Variants in TTC3 observed in about 807,000 individuals in gnomAD.
TTC3 encodes the protein tetratricopeptide repeat domain 3, also known as E3 ubiquitin-protein ligase TTC3.
In TTC3, 180 loss-of-function variants were observed where a neutral mutation model predicts 249.6. The observed-to-expected ratio is 0.72, with a 90% confidence interval of 0.64 to 0.82. The LOEUF (loss-of-function observed/expected upper bound fraction) is 0.82. TTC3 is among the 40% of genes least tolerant of loss of function. The pLI is 0.00. For synonymous variants in TTC3, 717 were observed against 805.0 expected (o/e 0.89, Z 1.85); for missense variants, 2,061 against 2,398.4 (o/e 0.86, Z 2.94).
intron 28 of TTC3, 122 bp from the exon 29 acceptor site, chr21:37,159,577 C>A: frequency 1.8e-6 from 2 of 1,117,932 alleles, no homozygotes; most frequent in East Asian, 2.6e-5. Context: ...TGTGTCAAAG[C>A]CAAATAAGGA....
chr21:37,088,312 G>A (rs143667299), exon 4 of TTC3: 57 of 1,612,772 alleles, frequency 3.5e-5, no homozygotes, highest in Middle Eastern at 1.6e-4. Context: ...AAACAGTTCC[G>A]TAATATCACG....
chr21:37,158,364 T>C (rs1328206370), intron 28 of TTC3, among the ~76,000 whole-genome samples: 1 of 152,216 alleles, frequency 6.6e-6, no homozygotes, highest in Non-Finnish European at 1.5e-5. Flanking sequence ...TGCCACTGTT[T>C]CTCTGTTTCT....
At chr21:37,154,533 T>C (rs1012637855) in intron 27 of TTC3, among the ~76,000 whole-genome samples, 13 of 152,158 alleles carry the variant, frequency 8.5e-5, no homozygotes, top group African/African-American at 2.9e-4. Flanking sequence ...TAACATGCTT[T>C]AGGAGATACT....
At chr21:37,081,115 T>TC (rs1222212299) in intron 1 of TTC3, among the ~76,000 whole-genome samples, 1 of 131,758 alleles carries the variant, frequency 7.6e-6, no homozygotes. Context: ...ATGCCTTTTT[T>TC]TTTTTTTTTT....
chr21:37,176,953 A>T (rs1016193783), intron 35 of TTC3, among the ~76,000 whole-genome samples: 1 of 152,166 alleles, frequency 6.6e-6, no homozygotes, highest in Non-Finnish European at 1.5e-5. Context: ...AATCACTGTC[A>T]TAATAATGCT....
At chr21:37,104,847 A>G (rs2074919673) in intron 10 of TTC3, among the ~76,000 whole-genome samples, 1 of 152,206 alleles carries the variant, frequency 6.6e-6, no homozygotes, top group African/African-American at 2.4e-5. Context: ...TGATTCAATT[A>G]ACCTAGAGTA....
At chr21:37,122,439 A>ATATATATATATAATATATATATATATAT (rs2076691667) in intron 12 of TTC3, among the ~76,000 whole-genome samples, 1 of 23,298 alleles carries the variant, frequency 4.3e-5, no homozygotes, top group African/African-American at 1.6e-4. Context: ...TATATATATT[A>ATATATATATATAATATATATATATATAT]TATATATATA....
intron 1 of TTC3, among the ~76,000 whole-genome samples, chr21:37,074,788 G>C (rs2070602008): frequency 2.0e-5 from 3 of 152,202 alleles, no homozygotes; most frequent in Admixed American, 6.5e-5. Flanking sequence ...CGTGCTCTGC[G>C]CTCAAGGGCT....
intron 30 of TTC3, 94 bp downstream of exon 30, chr21:37,160,952 T>A (rs2080679864): frequency 1.6e-6 from 2 of 1,276,546 alleles, no homozygotes; most frequent in Non-Finnish European, 2.2e-6. Flanking sequence ...TGGGATATTT[T>A]GAAACATTTG....
At chr21:37,136,968 GC>G (rs1373018515) in intron 18 of TTC3, among the ~76,000 whole-genome samples, 1 of 152,176 alleles carries the variant, frequency 6.6e-6, no homozygotes, top group African/African-American at 2.4e-5. Flanking sequence ...TCTGCCTGGA[GC>G]CCTAGAAATG....
chr21:37,086,162 C>T (rs1160367018), intron 1 of TTC3: 1 of 152,192 alleles, frequency 6.6e-6, no homozygotes, highest in Non-Finnish European at 1.5e-5. Context: ...AATTGGACAT[C>T]ATGAGATGGA....
At position 37,185,643 on chromosome 21, in the gene TTC3, G is replaced by A. The variant is rs759662202; in HGVS notation, c.4758-63G>A. The A allele has an allele frequency of 2.2e-5, 20 of 905,174 alleles. No homozygotes were observed. In the East Asian group the frequency reaches 6.1e-4, roughly 28 times the overall value. The allele number at this position is 905,174 out of a possible 1,614,324, so 56.1% of individuals were successfully genotyped here. A position where few individuals can be genotyped will look rare whatever the true frequency, so the allele number is the denominator to read the frequency against. ...TTTAAGGATATGGGTGCAATTTACT[G>A]TGTGGGGGTCCTGTTAAAAATTTTT... On this transcript the variant is annotated intron_variant, in intron 36 of 45. Transcript: ENST00000355666.
chr21:37,197,651 C>T lies in TTC3; in HGVS notation c.5661C>T (p.Val1887=), dbSNP rs747964002. Residue 1887 remains valine (V), a synonymous_variant, in exon 43 of 46, where the codon GTC becomes GTT. Coordinates refer to ENST00000355666, the Ensembl canonical transcript of TTC3. ...CAGGATTGAGTATTGATGAAATTGT[C>T]CAAAGAGTGACAGAACACATTCTAG... The T allele has an allele frequency of 4.3e-6, 7 of 1,611,422 alleles. No individual in the cohort carries two copies. In the South Asian group the frequency reaches 7.7e-5, roughly 18 times the overall value.
intron 42 of TTC3, among the ~76,000 whole-genome samples, chr21:37,196,984 A>C (rs1356331243): frequency 6.6e-6 from 1 of 152,162 alleles, no homozygotes; most frequent in South Asian, 2.1e-4. Context: ...TACGAGGGGG[A>C]CAGAGTTGCC....
exon 33 of TTC3, chr21:37,166,517 G>C: frequency 1.2e-6 from 2 of 1,614,134 alleles, no homozygotes; most frequent in South Asian, 2.2e-5. Context: ...TAACAGAAAT[G>C]ATGAGCACTG....
At chr21:37,163,928 A>G in intron 31 of TTC3, 123 bp from the exon 32 acceptor site, 1 of 1,146,734 alleles carries the variant, frequency 8.7e-7, no homozygotes, top group Non-Finnish European at 1.2e-6. Context: ...TTTTTTTGCA[A>G]CATAGAGCTG....
exon 34 of TTC3, chr21:37,167,594 C>A: frequency 1.2e-6 from 2 of 1,609,560 alleles, no homozygotes; most frequent in Non-Finnish European, 1.7e-6. Flanking sequence ...CAATACTGAG[C>A]CATATAATCC....
At chr21:37,111,971 G>C (rs2075710789) in intron 11 of TTC3, among the ~76,000 whole-genome samples, 2 of 151,834 alleles carry the variant, frequency 1.3e-5, no homozygotes, top group South Asian at 4.2e-4. Flanking sequence ...CGAAATGAAG[G>C]CAGAAATAAA....
intron 11 of TTC3, among the ~76,000 whole-genome samples, chr21:37,115,669 A>C (rs1391614633): frequency 6.6e-6 from 1 of 152,208 alleles, no homozygotes; most frequent in Non-Finnish European, 1.5e-5. Flanking sequence ...GACCTGTGTG[A>C]TCTGTCCCCG....
Sources: allele counts gnomAD v4.1 joint callset (sites outside exome capture counted in the v4.1 genomes callset), GRCh38; gene constraint gnomAD v4.1.1; transcripts MANE v1.5; gene names NCBI Gene and HGNC (gene_info 2026-07-23, HGNC 2026-07-21).